Variants in SYNE1 observed in about 807,000 individuals in gnomAD.
The protein encoded by SYNE1 is spectrin repeat containing nuclear envelope protein 1.
A neutral mutation model predicts 1,111.0 loss-of-function variants in SYNE1; 616 were observed. The ratio of observed to expected loss-of-function variants is 0.55; its 90% CI spans 0.52 to 0.59. The LOEUF (loss-of-function observed/expected upper bound fraction) is 0.59, where lower values mean the gene tolerates loss of function less well. SYNE1 is among the 20% of genes least tolerant of loss of function. The probability of loss-of-function intolerance (pLI) is 0.00; values close to 1 mark genes in which losing one functional copy is unlikely to be tolerated. For synonymous variants in SYNE1, 3,855 were observed against 3,825.8 expected, an observed-to-expected ratio of 1.01 and a Z score of -0.28; for missense variants, 10,006 against 10,417.0, an observed-to-expected ratio of 0.96 and a Z score of 1.72.
At chr6:152,413,628 T>A in intron 41 of SYNE1, 97 bp from the exon 42 acceptor site, 1 of 1,212,226 alleles carries the variant, frequency 8.2e-7, no homozygotes, top group Non-Finnish European at 1.2e-6. Context: ...AAGCACTCAT[T>A]TAGACAGCTA....
At chr6:152,190,795 C>T (rs566132231) in intron 127 of SYNE1, among the ~76,000 whole-genome samples, 240 of 152,194 alleles carry the variant, frequency 1.6e-3, no homozygotes, top group Admixed American at 4.6e-3. Context: ...TTAACTCCCA[C>T]ACATAAGTGA....
At chr6:152,605,023 A>AGG (rs2099609649) in intron 3 of SYNE1, among the ~76,000 whole-genome samples, 2 of 69,954 alleles carry the variant, frequency 2.9e-5, no homozygotes, top group Non-Finnish European at 2.7e-5. Flanking sequence ...AGAGAGAGAG[A>AGG]GAGAGAGAGA....
chr6:152,458,714 A>T (rs765901492), intron 22 of SYNE1, 43 bp downstream of exon 22: 3 of 1,602,842 alleles, frequency 1.9e-6, no homozygotes, highest in Admixed American at 3.3e-5. Context: ...GTCTTGTTAC[A>T]CATGCTTTAG....
intron 2 of SYNE1, among the ~76,000 whole-genome samples, chr6:152,633,396 G>A (rs1187451090): frequency 6.6e-6 from 1 of 152,192 alleles, no homozygotes; most frequent in Non-Finnish European, 1.5e-5. Context: ...ATGGTACTGA[G>A]TAAACAGCAG....
chr6:152,225,972 C>A, intron 115 of SYNE1, 96 bp from the exon 116 acceptor site: 1 of 1,228,480 alleles, frequency 8.1e-7, no homozygotes, highest in Admixed American at 2.1e-5. Context: ...TCCTAAAAAC[C>A]TTTTACTAAT....
intron 106 of SYNE1, among the ~76,000 whole-genome samples, chr6:152,243,575 T>C (rs2086313673): frequency 6.6e-6 from 1 of 152,200 alleles, no homozygotes; most frequent in African/African-American, 2.4e-5. Flanking sequence ...ACCTGATGCT[T>C]AAGTGCTGTC....
intron 3 of SYNE1, among the ~76,000 whole-genome samples, chr6:152,604,102 T>C (rs1371037015): frequency 6.6e-6 from 1 of 151,546 alleles, no homozygotes; most frequent in Non-Finnish European, 1.5e-5. Context: ...GAGTGATGAG[T>C]TTGCATAAAT....
rs1291312464 is a variant in SYNE1 at position 152,208,221 on chromosome 6, A to C, written c.22590-15T>G. The stretch of plus-strand genomic sequence containing the variant: ...TGAATTCATCCCTAGTGAAGAAATA[A>C]TTACATGGTAAAAAAGCACTGTTAT... On this transcript the variant is annotated splice_polypyrimidine_tract_variant and intron_variant, in intron 124 of 145. Transcript: ENST00000367255. 6.2e-7 allele frequency: 1 copy of C among 1,610,748 alleles called. No individual in the cohort carries two copies. The highest frequency in any genetic ancestry group is 2.2e-5 in the East Asian group (1 of 44,842).
chr6:152,603,833 C>CATATATGTATAGATAGATAGTA (rs1227250252), intron 3 of SYNE1, among the ~76,000 whole-genome samples: 13 of 142,002 alleles, frequency 9.2e-5, no homozygotes, highest in Admixed American at 8.5e-4. Context: ...TATAGATATA[C>CATATATGTATAGATAGATAGTA]TATCTATCTA....
rs562120110 is a variant in SYNE1 at position 152,200,069 on chromosome 6, AC to A, written c.23145+1754del. The stretch of plus-strand genomic sequence containing the variant: ...TTTTCCACTTTTCACACCGATTTCT[AC>A]CCCCCCAACTCGAGCATCAGATTTG... On this transcript the variant is annotated intron_variant, in intron 127 of 145. Coordinates refer to ENST00000367255, the MANE Select transcript of SYNE1 (RefSeq NM_182961.4). Among the ~76,000 whole-genome samples the A allele has an allele frequency of 2.6e-3, 390 of 151,996 alleles. 2 individuals carry two copies. The highest frequency in any genetic ancestry group is 9.1e-3 in the African/African-American group (376 of 41,416).
chr6:152,371,402 T>TA (rs2097177551), intron 59 of SYNE1, among the ~76,000 whole-genome samples: 1 of 151,950 alleles, frequency 6.6e-6, no homozygotes, highest in Admixed American at 6.5e-5. Context: ...GCCATGATTG[T>TA]AAATTTCCTG....
chr6:152,635,533 C>T (rs1311044453), intron 2 of SYNE1, among the ~76,000 whole-genome samples: 1 of 152,112 alleles, frequency 6.6e-6, no homozygotes, highest in Non-Finnish European at 1.5e-5. Context: ...AAAGAACAAT[C>T]GTCATGACTC....
At chr6:152,183,076 T>G (rs972476832) in intron 128 of SYNE1, among the ~76,000 whole-genome samples, 1 of 152,184 alleles carries the variant, frequency 6.6e-6, no homozygotes, top group Non-Finnish European at 1.5e-5. Context: ...CTTTACACCA[T>G]ACCCCAAATA....
chr6:152,167,284 C>CTA (rs2063854741), intron 130 of SYNE1, among the ~76,000 whole-genome samples: 1 of 152,086 alleles, frequency 6.6e-6, no homozygotes, highest in African/African-American at 2.4e-5. Flanking sequence ...GCTTATATAT[C>CTA]TATATATATT....
chr6:152,493,729 A>C (rs1317697790), intron 11 of SYNE1, among the ~76,000 whole-genome samples: 1 of 151,586 alleles, frequency 6.6e-6, no homozygotes, highest in Non-Finnish European at 1.5e-5. Context: ...AAAAGCACAT[A>C]TGCTCTCCCT....
At chr6:152,587,022 T>C (rs948862065) in intron 3 of SYNE1, among the ~76,000 whole-genome samples, 1 of 152,160 alleles carries the variant, frequency 6.6e-6, no homozygotes, top group African/African-American at 2.4e-5. Flanking sequence ...GGCCAAGTCA[T>C]ATCTTTGTAA....
At chr6:152,208,957 C>A (rs1418969959) in intron 124 of SYNE1, among the ~76,000 whole-genome samples, 3 of 152,090 alleles carry the variant, frequency 2.0e-5, no homozygotes, top group African/African-American at 7.2e-5. Flanking sequence ...GTTCTTACCT[C>A]TCTGTTTTCT....
chr6:152,349,501 C>T (rs1473976236), intron 72 of SYNE1, among the ~76,000 whole-genome samples: 1 of 152,200 alleles, frequency 6.6e-6, no homozygotes, highest in Non-Finnish European at 1.5e-5. Context: ...CTTTCTGATG[C>T]CTTTGGCTGC....
chr6:152,241,501 T>TGC (rs2085660176), intron 107 of SYNE1, among the ~76,000 whole-genome samples: 2 of 43,380 alleles, frequency 4.6e-5, no homozygotes, highest in African/African-American at 1.3e-4. Context: ...ATGCAAGAGC[T>TGC]GTGTGTGTGT....
Sources: allele counts gnomAD v4.1 joint callset (sites outside exome capture counted in the v4.1 genomes callset), GRCh38; gene constraint gnomAD v4.1.1; transcripts MANE v1.5; gene names NCBI Gene and HGNC (gene_info 2026-07-23, HGNC 2026-07-21).